Variants in ANKRD33B observed in about 807,000 individuals in gnomAD.
ANKRD33B encodes the protein ankyrin repeat domain 33B, also known as ankyrin repeat domain-containing protein 33B.
ANKRD33B carries 6 observed loss-of-function variants against 21.5 expected under a neutral mutation model. That is an observed-to-expected ratio of 0.28 (90% confidence interval 0.15 to 0.55). The LOEUF (loss-of-function observed/expected upper bound fraction) is 0.55. Ranked by LOEUF, ANKRD33B falls within the 20% of genes least tolerant of loss-of-function variation. ANKRD33B has a pLI of 0.94. For missense variants in ANKRD33B, 698 were observed against 747.2 expected (o/e 0.93, Z 0.77); for synonymous variants, 347 against 342.4 (o/e 1.01, Z -0.15).
At position 10,596,922 on chromosome 5, in the gene ANKRD33B, C is replaced by T. The variant is rs565495957; in HGVS notation, c.367-21411C>T. ...ATTCTTAAAGAAAAAAAAATTCCAA[C>T]TCAGTTTCATATCCAGCCAATCTAA... On this transcript the variant is annotated intron_variant, in intron 1 of 3. Coordinates refer to ENST00000296657, the MANE Select transcript of ANKRD33B (RefSeq NM_001164440.2). Among the ~76,000 whole-genome samples, 90 of 152,250 alleles carry T rather than the reference C, an allele frequency of 5.9e-4. No individual in the cohort carries two copies. In the South Asian group the frequency reaches 0.018, roughly 31 times the overall value.
Position 10,650,248 on chromosome 5 carries a change from A to G in ANKRD33B, c.*135A>G. On this transcript the variant is annotated 3_prime_UTR_variant, in exon 4 of 4. Coordinates refer to ENST00000296657, the MANE Select transcript of ANKRD33B (RefSeq NM_001164440.2). ...GGACCACGGGGCTGCGCGCATTTCC[A>G]GGCTGTTTGTCCAGGCTGCTTCCAA... 1.1e-5 allele frequency: 11 copies of G among 1,016,020 alleles called. No individual in the cohort carries two copies. The highest frequency in any genetic ancestry group is 1.4e-5 in the Non-Finnish European group (11 of 764,256). 62.9% of individuals were successfully genotyped at this position (1,016,020 alleles called of 1,614,324 possible). A position where few individuals can be genotyped will look rare whatever the true frequency, so the allele number is the denominator to read the frequency against.
At position 10,650,764 on chromosome 5, in the gene ANKRD33B, T is replaced by C. The variant is rs1737333768; in HGVS notation, c.*651T>C. ...AGACAGAGGATCAGATGTTACTGTA[T>C]CTTTTTAAAACTCTTATCCATATAG... On this transcript the variant is annotated 3_prime_UTR_variant, in exon 4 of 4. Transcript: ENST00000296657. 1 of 152,406 alleles carries C rather than the reference T, an allele frequency of 6.6e-6. No homozygotes were observed. The highest frequency in any genetic ancestry group is 6.5e-5 in the Admixed American group (1 of 15,286). 9.4% of individuals were successfully genotyped at this position (152,406 alleles called of 1,614,324 possible). A position where few individuals can be genotyped will look rare whatever the true frequency, so the allele number is the denominator to read the frequency against.
At chr5:10,600,735 G>A (rs147376157) in intron 1 of ANKRD33B, among the ~76,000 whole-genome samples, 24 of 152,236 alleles carry the variant, frequency 1.6e-4, no homozygotes, top group Admixed American at 1.0e-3. Flanking sequence ...AATAGAAACT[G>A]CCAGTTTCCC....
At chr5:10,635,416 C>G (rs1736832972) in intron 2 of ANKRD33B, among the ~76,000 whole-genome samples, 1 of 152,214 alleles carries the variant, frequency 6.6e-6, no homozygotes, top group Admixed American at 6.5e-5. Context: ...TAGCCCCTCC[C>G]CGCACATAGT....
At chr5:10,575,778 T>C (rs1409247113) in intron 1 of ANKRD33B, among the ~76,000 whole-genome samples, 1 of 152,190 alleles carries the variant, frequency 6.6e-6, no homozygotes, top group Non-Finnish European at 1.5e-5. Flanking sequence ...TATGCTTCCA[T>C]TGACGTCACA....
intron 1 of ANKRD33B, among the ~76,000 whole-genome samples, chr5:10,583,447 A>G (rs1226800459): frequency 6.6e-6 from 1 of 152,234 alleles, no homozygotes; most frequent in East Asian, 1.9e-4. Flanking sequence ...CGTCCTGTGC[A>G]TGGCAAGGTG....
chr5:10,657,633 G>A lies in ANKRD33B; in HGVS notation c.*7520G>A, dbSNP rs983486540. On this transcript the variant is annotated 3_prime_UTR_variant, in exon 4 of 4. Transcript: ENST00000296657. ...GTGATTCCCAGCAGCTTCAATTTTT[G>A]ATATTCAAAAAGTTAATAATCTTTA... 2.6e-5 allele frequency: 4 copies of A among 152,202 alleles called. No homozygotes were observed. Among genetic ancestry groups the A allele is most frequent in the African/African-American group, 9.7e-5 (4 of 41,390 alleles). 9.4% of individuals were successfully genotyped at this position (152,202 alleles called of 1,614,324 possible). A position where few individuals can be genotyped will look rare whatever the true frequency, so the allele number is the denominator to read the frequency against.
chr5:10,592,944 T>C (rs1363184338), intron 1 of ANKRD33B, among the ~76,000 whole-genome samples: 1 of 152,182 alleles, frequency 6.6e-6, no homozygotes, highest in Non-Finnish European at 1.5e-5. Context: ...TAGTTTCTTA[T>C]ATATGTTATT....
intron 1 of ANKRD33B, among the ~76,000 whole-genome samples, chr5:10,568,596 G>A (rs758284724): frequency 5.3e-5 from 8 of 152,268 alleles, no homozygotes; most frequent in Admixed American, 2.0e-4. Context: ...GTGCAGTGGC[G>A]CAATCTCTGC....
chr5:10,604,963 T>G (rs995757900), intron 1 of ANKRD33B, among the ~76,000 whole-genome samples: 7 of 152,222 alleles, frequency 4.6e-5, no homozygotes, highest in African/African-American at 1.7e-4. Context: ...GGTTGGGCAG[T>G]TCTGACTGAG....
chr5:10,592,370 T>C (rs1283032332), intron 1 of ANKRD33B, among the ~76,000 whole-genome samples: 1 of 149,688 alleles, frequency 6.7e-6, no homozygotes, highest in Non-Finnish European at 1.5e-5. Flanking sequence ...CCCAGCACTT[T>C]GGGAGGCCAG....
intron 1 of ANKRD33B, among the ~76,000 whole-genome samples, chr5:10,577,109 TCCCTTCCCCTTC>T (rs1222385557): frequency 6.7e-6 from 1 of 149,982 alleles, no homozygotes; most frequent in South Asian, 2.1e-4. Flanking sequence ...CCTTCCCCTT[TCCCTTCCCCTTC>T]CCCTTCCCCT....
intron 1 of ANKRD33B, among the ~76,000 whole-genome samples, chr5:10,572,575 T>C (rs970236025): frequency 1.3e-5 from 2 of 152,074 alleles, no homozygotes; most frequent in Admixed American, 1.3e-4. Context: ...GTGGTCTGAG[T>C]CTGAAACTTA....
In ANKRD33B at chr5:10,639,025, C is replaced by T. The variant is rs1315151648; in HGVS notation, c.637+857C>T. ...GATGTTAGGCGGTGACGCGGAGTTG[C>T]GCGGCGATGTTAGCGGGTGACGCGG... On this transcript the variant is annotated intron_variant, in intron 3 of 3. Coordinates refer to ENST00000296657, the MANE Select transcript of ANKRD33B (RefSeq NM_001164440.2). 4.0e-5 allele frequency among the ~76,000 whole-genome samples: 3 copies of T among 75,552 alleles called. 1 individual carries two copies. The highest frequency in any genetic ancestry group is 5.5e-5 in the Non-Finnish European group (2 of 36,336). 49.6% of individuals were successfully genotyped at this position (75,552 alleles called of 152,430 possible).
chr5:10,583,036 G>C (rs1055269900), intron 1 of ANKRD33B, among the ~76,000 whole-genome samples: 1 of 147,924 alleles, frequency 6.8e-6, no homozygotes, highest in Non-Finnish European at 1.5e-5. Flanking sequence ...TTGCTCTGTC[G>C]CCCAGGCTGG....
intron 1 of ANKRD33B, among the ~76,000 whole-genome samples, chr5:10,566,362 C>G (rs373613237): frequency 1.3e-5 from 2 of 152,194 alleles, no homozygotes; most frequent in African/African-American, 4.8e-5. Context: ...TTCTCAAGTT[C>G]TACATTTGGT....
At chr5:10,622,974 A>G (rs748073668) in intron 2 of ANKRD33B, among the ~76,000 whole-genome samples, 41 of 152,144 alleles carry the variant, frequency 2.7e-4, no homozygotes, top group Non-Finnish European at 5.0e-4. Flanking sequence ...CTCAGTGCCC[A>G]GCAGCCTGGG....
At chr5:10,631,496 T>C (rs980032660) in intron 2 of ANKRD33B, among the ~76,000 whole-genome samples, 2 of 152,316 alleles carry the variant, frequency 1.3e-5, no homozygotes, top group Admixed American at 6.5e-5. Flanking sequence ...AGAAGAGCTT[T>C]CTTCTCATAA....
chr5:10,601,868 CAG>C (rs1735940901), intron 1 of ANKRD33B, among the ~76,000 whole-genome samples: 1 of 152,250 alleles, frequency 6.6e-6, no homozygotes, highest in South Asian at 2.1e-4. Flanking sequence ...CAGCCTATGA[CAG>C]GGGGCTGCCA....
Sources: allele counts gnomAD v4.1 joint callset (sites outside exome capture counted in the v4.1 genomes callset), GRCh38; gene constraint gnomAD v4.1.1; transcripts MANE v1.5; gene names NCBI Gene and HGNC (gene_info 2026-07-23, HGNC 2026-07-21).